Variants in SZT2 observed in about 807,000 individuals in gnomAD.
SZT2 encodes the protein SZT2 subunit of KICSTOR complex.
Under a neutral mutation model 404.2 loss-of-function variants are expected in SZT2, and 216 were observed. The ratio of observed to expected loss-of-function variants is 0.53; its 90% CI spans 0.48 to 0.60. The LOEUF (loss-of-function observed/expected upper bound fraction) is 0.60, where lower values mean the gene tolerates loss of function less well. Among genes scored for constraint, SZT2 ranks in the 20% least tolerant of loss-of-function variants. The probability of loss-of-function intolerance (pLI) is 0.00; values close to 1 mark genes in which losing one functional copy is unlikely to be tolerated. For missense variants in SZT2, 3,857 were observed against 4,459.2 expected, an observed-to-expected ratio of 0.86 and a Z score of 3.85; for synonymous variants, 1,693 against 1,749.9, an observed-to-expected ratio of 0.97 and a Z score of 0.81.
rs781215094 is a variant in SZT2, at chr1:43,427,714, G to A, written c.3783G>A (p.Ala1261=). 6.8e-6 allele frequency: 11 copies of A among 1,613,508 alleles called. No homozygotes were observed. Among genetic ancestry groups the A allele is most frequent in the African/African-American group, 2.7e-5 (2 of 74,884 alleles). Residue 1261 remains alanine, a synonymous_variant, in exon 26 of 72, where the codon GCG becomes GCA. Transcript: ENST00000634258. ...EQMVGMQPPQ[A]PRDLIFRTQF... ...TGGTTGGCATGCAGCCCCCTCAGGCGCCCCGAGACCTCATCTTCCGGTGAG... is the reference window on the plus strand; with the variant it reads ...TGGTTGGCATGCAGCCCCCTCAGGCACCCCGAGACCTCATCTTCCGGTGAG...
Position 43,403,266 on chromosome 1 carries a change from G to A in SZT2, c.117G>A (p.Leu39=). 1 of 1,614,008 alleles carries A rather than the reference G, an allele frequency of 6.2e-7. No homozygotes were observed. The highest frequency in any genetic ancestry group is 8.5e-7 in the Non-Finnish European group (1 of 1,180,046). ...NVRLAWFLSH[L]HQTVQATPQE... is the part of the protein sequence containing the mutation. ...GCCTGGCTTGGTTCCTCAGTCATCT[G>A]CACCAAACTGTGCAGGCCACACCCC... Residue 39 remains leucine, a synonymous_variant, in exon 2 of 72, where the codon CTG becomes CTA. Transcript: ENST00000634258.
chr1:43,425,864 C>T lies in SZT2; in HGVS notation c.2844C>T (p.Gly948=), dbSNP rs1449623225. 2 of 1,614,104 alleles carry T rather than the reference C, an allele frequency of 1.2e-6. No homozygotes were observed. Among genetic ancestry groups the T allele is most frequent in the Non-Finnish European group, 8.5e-7 (1 of 1,180,016 alleles). Residue 948 remains glycine, a synonymous_variant, in exon 20 of 72, where the codon GGC becomes GGT. Transcript: ENST00000634258. This position sits in a 1 kb window ranked among gnomAD's most constrained non-coding sequence, Gnocchi z 4.3. Reference sequence around the variant, plus strand: ...ACCCACGGGATGCTGCCTGCATAGGCTCCATGCTGAGCTTTGAATACCTGA... The same window carrying T: ...ACCCACGGGATGCTGCCTGCATAGGTTCCATGCTGAGCTTTGAATACCTGA... The part of the protein sequence containing the change: ...ALHPRDAACI[G]SMLSFEYLIQ...
At position 43,430,725 on chromosome 1, in the gene SZT2, G is replaced by A. The variant is rs375889333; in HGVS notation, c.4710G>A (p.Thr1570=). 180 of 1,613,250 alleles carry A rather than the reference G, an allele frequency of 1.1e-4. No individual in the cohort carries two copies. The highest frequency in any genetic ancestry group is 1.4e-4 in the Non-Finnish European group (165 of 1,180,036). Residue 1570 remains threonine, a synonymous_variant, in exon 32 of 72, where the codon ACG becomes ACA. Transcript: ENST00000634258. ...TGCCACCGCTCTTCCTGCACCTCACGTGCTCCGTGCGGCTACGTGGGCAGC... is the reference window on the plus strand; with the variant it reads ...TGCCACCGCTCTTCCTGCACCTCACATGCTCCGTGCGGCTACGTGGGCAGC... ...HDLPPLFLHL[T]CSVRLRGQHS...
chr1:43,422,256 G>T (rs1432052506), intron 12 of SZT2, 31 bp downstream of exon 12: 7 of 1,556,160 alleles, frequency 4.5e-6, no homozygotes, highest in South Asian at 1.2e-5. Flanking sequence ...GCCATAGTTG[G>T]GGTGGAGTAT....
rs751516722 is a variant in SZT2, at chr1:43,422,179, C to T, written c.1723C>T (p.Arg575Ter). The change falls in exon 12 of 72, where the codon CGA (arginine) becomes TGA (stop). Residue 575 changes from arginine to a stop codon, truncating the protein, a stop_gained. Transcript: ENST00000634258. LOFTEE classifies it high-confidence loss of function. ...GTCCATGGATGCAAATTCCTGGCAGCGATGGCTGCACATGCATCGCCTGGT... is the reference window on the plus strand; with the variant it reads ...GTCCATGGATGCAAATTCCTGGCAGTGATGGCTGCACATGCATCGCCTGGT... ...VLSMDANSWQ[R>*]WLHMHRLVLI... is the part of the protein sequence containing the mutation. 2 of 1,596,344 alleles carry T rather than the reference C, an allele frequency of 1.3e-6. No homozygotes were observed. The highest frequency in any genetic ancestry group is 1.7e-4 in the Middle Eastern group (1 of 6,050).
intron 70 of SZT2, chr1:43,449,016 A>G: frequency 2.6e-6 from 1 of 377,718 alleles, no homozygotes; most frequent in Non-Finnish European, 4.8e-6. Context: ...GAACTTTGTC[A>G]GTAGGCTGGA....
chr1:43,408,851 G>C (rs1172651458), intron 4 of SZT2, among the ~76,000 whole-genome samples: 1 of 151,940 alleles, frequency 6.6e-6, no homozygotes, highest in African/African-American at 2.4e-5. Flanking sequence ...CCCTTTTCTG[G>C]CTCGCCCGAC....
Position 43,452,491 on chromosome 1 carries a change from A to C in SZT2, c.*2011A>C. ...TTCAGAGACACTTCAGTGATGGCTG[A>C]GGGGCAAGCCCTTTCCCAGACATCT... On this transcript the variant is annotated 3_prime_UTR_variant, in exon 72 of 72. Coordinates refer to ENST00000634258, the MANE Select transcript of SZT2 (RefSeq NM_001365999.1). 1 of 699,302 alleles carries C rather than the reference A, an allele frequency of 1.4e-6. No individual in the cohort carries two copies. Among genetic ancestry groups the C allele is most frequent in the South Asian group, 1.5e-5 (1 of 65,912 alleles). The allele number at this position is 699,302 out of a possible 1,614,324, so 43.3% of individuals were successfully genotyped here. A position where few individuals can be genotyped will look rare whatever the true frequency, so the allele number is the denominator to read the frequency against.
intron 4 of SZT2, among the ~76,000 whole-genome samples, chr1:43,413,764 A>G (rs1238730591): frequency 2.0e-5 from 3 of 152,200 alleles, no homozygotes; most frequent in African/African-American, 7.2e-5. Flanking sequence ...AATTGAACTA[A>G]TGAAGATGGA....
chr1:43,394,206 CT>C (rs3884380), intron 1 of SZT2: 6,096 of 156,892 alleles, frequency 0.039, 2 homozygotes, highest in Non-Finnish European at 0.063. Context: ...CCCATCAACT[CT>C]TTTTTTTTTT....
intron 2 of SZT2, 79 bp downstream of exon 2, chr1:43,403,381 G>C: frequency 6.5e-7 from 1 of 1,543,018 alleles, no homozygotes. Context: ...GAAACAGACA[G>C]GGTGGGAGAC....
Position 43,450,847 on chromosome 1 carries a change from C to G in SZT2, c.*367C>G, listed in dbSNP as rs1468687572. Reference sequence around the variant, plus strand: ...TGAATCCTGCCCCCTAGCCTTTGACCACTGTCAGCCACCTGTGTCCCTTGA... The same window carrying G: ...TGAATCCTGCCCCCTAGCCTTTGACGACTGTCAGCCACCTGTGTCCCTTGA... On this transcript the variant is annotated 3_prime_UTR_variant, in exon 72 of 72. Coordinates refer to ENST00000634258, the MANE Select transcript of SZT2 (RefSeq NM_001365999.1). The surrounding 1 kb of genome is among the most constrained non-coding windows in gnomAD (Gnocchi z 4.3). 5 of 713,350 alleles carry G rather than the reference C, an allele frequency of 7.0e-6. No individual in the cohort carries two copies. Among genetic ancestry groups the G allele is most frequent in the South Asian group, 5.5e-5 (4 of 73,366 alleles). 44.2% of individuals were successfully genotyped at this position (713,350 alleles called of 1,614,324 possible).
intron 3 of SZT2, 116 bp downstream of exon 3, chr1:43,403,890 G>A: frequency 8.6e-7 from 1 of 1,168,256 alleles, no homozygotes; most frequent in East Asian, 2.4e-5. Context: ...GAGAAGACAG[G>A]CTTATAAAGG....
In SZT2 at chr1:43,443,068, A is replaced by G; in HGVS notation, c.8401A>G (p.Lys2801Glu). The change falls in exon 59 of 72, where the codon AAG (lysine) becomes GAG (glutamate). Residue 2801 changes from lysine (K) to glutamate (E), a missense_variant. Lys to Glu is a moderately conservative substitution (Grantham distance 56). Around this residue, in one of 7 missense-constraint regions of SZT2, gnomAD observed 717 missense variants for 868.2 expected, o/e 0.83. Transcript: ENST00000634258. ...TYHGQQFLEIKMAERRELERQ... is the reference protein window; with the variant it reads ...TYHGQQFLEIEMAERRELERQ... ...CCATGGACAACAGTTCCTAGAGATC[A>G]AGATGGCAGAGCGCAGAGGTGAGGG... 6.2e-7 allele frequency: 1 copy of G among 1,612,072 alleles called. No homozygotes were observed. Among genetic ancestry groups the G allele is most frequent in the South Asian group, 1.1e-5 (1 of 90,924 alleles).
intron 1 of SZT2, among the ~76,000 whole-genome samples, chr1:43,400,094 A>C (rs1372046924): frequency 4.0e-5 from 6 of 151,832 alleles, no homozygotes; most frequent in Non-Finnish European, 8.8e-5. Context: ...GCTCACCACC[A>C]TGCCGAGCTA....
chr1:43,427,772 C>T (rs751999716), intron 26 of SZT2, 38 bp downstream of exon 26: 3 of 1,599,980 alleles, frequency 1.9e-6, no homozygotes, highest in East Asian at 4.5e-5. Flanking sequence ...CCTCGCCGGG[C>T]CATGGCTCCC....
intron 60 of SZT2, 24 bp downstream of exon 60, chr1:43,443,291 T>C (rs748772612): frequency 6.2e-7 from 1 of 1,614,162 alleles, no homozygotes; most frequent in South Asian, 1.1e-5. Flanking sequence ...GCTTGCATCT[T>C]CCTTGAGTAT....
chr1:43,453,327 C>G lies in SZT2; in HGVS notation c.*2847C>G. 16 of 1,186,816 alleles carry G rather than the reference C, an allele frequency of 1.3e-5. No homozygotes were observed. The South Asian group carries it at 2.0e-4, about 15-fold the overall frequency. The allele number at this position is 1,186,816 out of a possible 1,614,324, so 73.5% of individuals were successfully genotyped here. A position where few individuals can be genotyped will look rare whatever the true frequency, so the allele number is the denominator to read the frequency against. On this transcript the variant is annotated 3_prime_UTR_variant, in exon 72 of 72. Transcript: ENST00000634258. ...CGTCTCAGATCTGGCGTCCTCGACT[C>G]CCTGAACCTGCATCAGGGTCATGGG...
Position 43,427,727 on chromosome 1 carries a change from A to T in SZT2, c.3796A>T (p.Ile1266Phe), listed in dbSNP as rs200056579. 1.2e-6 allele frequency: 2 copies of T among 1,613,230 alleles called. No homozygotes were observed. The highest frequency in any genetic ancestry group is 2.7e-5 in the African/African-American group (2 of 75,002). The change falls in exon 26 of 72, where the codon ATC becomes TTC. Residue 1266 changes from isoleucine to phenylalanine, a missense_variant. This residue lies in a region of SZT2 where 1,725 missense variants were observed against 1,881.0 expected (regional missense o/e 0.92). Coordinates refer to ENST00000634258, the MANE Select transcript of SZT2 (RefSeq NM_001365999.1). ...GCCCCCTCAGGCGCCCCGAGACCTC[A>T]TCTTCCGGTGAGTGCCTTCAGTGTT... Reference protein sequence around the residue: ...MQPPQAPRDLIFRTQFLDHPS... With the variant: ...MQPPQAPRDLFFRTQFLDHPS...
Sources: allele counts gnomAD v4.1 joint callset (sites outside exome capture counted in the v4.1 genomes callset), GRCh38; gene constraint gnomAD v4.1.1; regional missense constraint gnomAD v4.1.1; non-coding constraint Gnocchi (gnomAD v3.1); transcripts MANE v1.5; gene names NCBI Gene and HGNC (gene_info 2026-07-23, HGNC 2026-07-21).